CPD: variants seen among roughly 807,000 people sequenced by gnomAD.
CPD encodes the protein metallocarboxypeptidase D.
CPD carries 69 observed loss-of-function variants against 138.3 expected under a neutral mutation model. The observed-to-expected ratio is 0.50, with a 90% confidence interval of 0.41 to 0.61. The LOEUF (loss-of-function observed/expected upper bound fraction) is 0.61, where lower values mean the gene tolerates loss of function less well. Among genes scored for constraint, CPD ranks in the 20% least tolerant of loss-of-function variants. CPD has a pLI of 0.00. For missense variants in CPD, 1,432 were observed against 1,733.3 expected, an observed-to-expected ratio of 0.83 and a Z score of 3.09; for synonymous variants, 651 against 642.1, an observed-to-expected ratio of 1.01 and a Z score of -0.21.
intron 3 of CPD, among the ~76,000 whole-genome samples, chr17:30,421,378 T>G (rs551892689): frequency 6.6e-6 from 1 of 152,276 alleles, no homozygotes; most frequent in East Asian, 1.9e-4. Flanking sequence ...ATACAGCAAT[T>G]GAATACACCA....
intron 2 of CPD, among the ~76,000 whole-genome samples, chr17:30,412,912 T>C (rs879022023): frequency 6.6e-6 from 1 of 152,200 alleles, no homozygotes; most frequent in Non-Finnish European, 1.5e-5. Flanking sequence ...CCCAATGAGA[T>C]GAACCAGGTA....
chr17:30,429,407 A>G (rs1014122668), intron 7 of CPD, among the ~76,000 whole-genome samples: 3 of 152,218 alleles, frequency 2.0e-5, no homozygotes, highest in Non-Finnish European at 4.4e-5. Flanking sequence ...AGTCATGCAG[A>G]CATTTTTCTT....
intron 2 of CPD, among the ~76,000 whole-genome samples, chr17:30,410,983 C>T (rs1201580926): frequency 6.6e-6 from 1 of 152,084 alleles, no homozygotes; most frequent in Non-Finnish European, 1.5e-5. Context: ...CATGTTTTTG[C>T]GGTGGCTGGT....
intron 11 of CPD, among the ~76,000 whole-genome samples, chr17:30,444,405 T>C (rs766480645): frequency 6.6e-6 from 1 of 152,126 alleles, no homozygotes; most frequent in Non-Finnish European, 1.5e-5. Context: ...AAGTGTTAGT[T>C]GATGAAGCAC....
intron 11 of CPD, among the ~76,000 whole-genome samples, chr17:30,444,905 C>T (rs560212061): frequency 1.3e-4 from 19 of 151,736 alleles, no homozygotes; most frequent in African/African-American, 4.1e-4. Flanking sequence ...TCTAGTGGTC[C>T]GTAAATGAAT....
At position 30,465,237 on chromosome 17, in the gene CPD, T is replaced by C. The variant is rs892412500; in HGVS notation, c.*423T>C. ...AGCAGTCAGAATCGACATAAAGCTT[T>C]AAAAACTCAAGGTTTTTTCAACCTA... On this transcript the variant is annotated 3_prime_UTR_variant, in exon 21 of 21. Transcript: ENST00000225719. The C allele has an allele frequency of 1.2e-5, 2 of 166,860 alleles. No individual in the cohort carries two copies. The highest frequency in any genetic ancestry group is 2.6e-5 in the Non-Finnish European group (2 of 76,796). 10.3% of individuals were successfully genotyped at this position (166,860 alleles called of 1,614,324 possible). A position where few individuals can be genotyped will look rare whatever the true frequency, so the allele number is the denominator to read the frequency against.
intron 2 of CPD, among the ~76,000 whole-genome samples, chr17:30,393,167 G>A (rs1206409674): frequency 6.6e-6 from 1 of 152,202 alleles, no homozygotes; most frequent in Non-Finnish European, 1.5e-5. Context: ...AGTTTTTTGT[G>A]TGAATATCAA....
intron 18 of CPD, among the ~76,000 whole-genome samples, chr17:30,461,596 A>G (rs997988235): frequency 2.0e-5 from 3 of 152,176 alleles, no homozygotes; most frequent in Non-Finnish European, 2.9e-5. Flanking sequence ...GAAATCACTC[A>G]AGGCATTGGA....
In CPD at chr17:30,378,993, C is replaced by A. The variant is rs181199485; in HGVS notation, c.13C>A (p.Arg5=). Residue 5 remains arginine, a synonymous_variant, in exon 1 of 21, where the codon CGG becomes AGG. Coordinates refer to ENST00000225719, the MANE Select transcript of CPD (RefSeq NM_001304.5). ...GCGCTGCTGGAAGATGGCGAGCGGC[C>A]GGGACGAGCGGCCGCCTTGGCGGCT... The part of the protein sequence containing the change: MASG[R]DERPPWRLGR... 7.7e-4 allele frequency: 1,186 copies of A among 1,540,324 alleles called. 10 individuals carry two copies. In the African/African-American group the frequency reaches 0.016, roughly 20 times the overall value.
chr17:30,409,904 G>A (rs1212712216), intron 2 of CPD, among the ~76,000 whole-genome samples: 3 of 152,056 alleles, frequency 2.0e-5, no homozygotes, highest in Non-Finnish European at 4.4e-5. Context: ...GCTAGCTTTT[G>A]AATGTGTTTG....
intron 7 of CPD, 87 bp from the exon 8 acceptor site, chr17:30,431,680 TTTCTC>T (rs1912569423): frequency 2.4e-6 from 2 of 822,454 alleles, no homozygotes; most frequent in African/African-American, 1.8e-5. Flanking sequence ...ATTTTATTGT[TTTCTC>T]TTCTCTGGCA....
intron 2 of CPD, among the ~76,000 whole-genome samples, chr17:30,398,025 AAAG>A (rs1911555727): frequency 6.6e-6 from 1 of 151,698 alleles, no homozygotes; most frequent in Non-Finnish European, 1.5e-5. Context: ...AAAAAAAAAA[AAAG>A]AGAAAAATTT....
At chr17:30,410,878 G>A (rs183066347) in intron 2 of CPD, among the ~76,000 whole-genome samples, 1 of 151,896 alleles carries the variant, frequency 6.6e-6, no homozygotes, top group Non-Finnish European at 1.5e-5. Flanking sequence ...ATGTTGTTAT[G>A]TGTGAATTTG....
intron 2 of CPD, among the ~76,000 whole-genome samples, chr17:30,398,852 AT>A (rs1035937335): frequency 6.6e-6 from 1 of 150,724 alleles, no homozygotes; most frequent in African/African-American, 2.4e-5. Flanking sequence ...AATAAAAAAA[AT>A]TTTTTTAAAT....
chr17:30,397,789 A>G (rs1911550354), intron 2 of CPD, among the ~76,000 whole-genome samples: 1 of 150,578 alleles, frequency 6.6e-6, no homozygotes, highest in Non-Finnish European at 1.5e-5. Context: ...TTAAAGAGGC[A>G]TGTTCAGGCA....
At chr17:30,411,974 G>A (rs1911980855) in intron 2 of CPD, among the ~76,000 whole-genome samples, 1 of 152,130 alleles carries the variant, frequency 6.6e-6, no homozygotes, top group Non-Finnish European at 1.5e-5. Context: ...TTTCAGCCCT[G>A]GTTTCTCCCT....
chr17:30,442,499 T>C lies in CPD; in HGVS notation c.2373+49T>C, dbSNP rs747146740. ...GAAATTTCTCCCGAGGGTGAAAAGA[T>C]TTTTGTGCGTACACGTGGTTTTTGT... On this transcript the variant is annotated intron_variant, in intron 10 of 20. Transcript: ENST00000225719. The C allele has an allele frequency of 5.0e-6, 8 of 1,584,950 alleles. No individual in the cohort carries two copies. The Admixed American group carries it at 1.4e-4, about 27-fold the overall frequency.
At chr17:30,446,144 T>G in intron 12 of CPD, 124 bp downstream of exon 12, 1 of 735,626 alleles carries the variant, frequency 1.4e-6, no homozygotes, top group Non-Finnish European at 2.2e-6. Context: ...AGTTGGAGTT[T>G]ACTTATTTTG....
At position 30,385,143 on chromosome 17, in the gene CPD, A is replaced by C. The variant is rs193233043; in HGVS notation, c.901A>C (p.Ile301Leu). The change falls in exon 2 of 21, where the codon ATA (isoleucine) becomes CTA (leucine). Residue 301 changes from isoleucine to leucine, a missense_variant. This residue lies in a region of CPD where 484 missense variants were observed against 477.2 expected (regional missense o/e 1.01). Transcript: ENST00000225719. ...AAAAGCTTATGCTTCAAACCACCCC[A>C]TAATGAAAACTGGTGAGCCTCATTG... ...LAKAYASNHP[I>L]MKTGEPHCPG... 6.2e-7 allele frequency: 1 copy of C among 1,613,978 alleles called. No individual in the cohort carries two copies. Among genetic ancestry groups the C allele is most frequent in the Non-Finnish European group, 8.5e-7 (1 of 1,179,988 alleles).
Sources: allele counts gnomAD v4.1 joint callset (sites outside exome capture counted in the v4.1 genomes callset), GRCh38; gene constraint gnomAD v4.1.1; regional missense constraint gnomAD v4.1.1; transcripts MANE v1.5; gene names NCBI Gene and HGNC (gene_info 2026-07-23, HGNC 2026-07-21).